ANK1: variants seen among roughly 807,000 people sequenced by gnomAD.
The protein encoded by ANK1 is ankyrin-1.
A neutral mutation model predicts 210.4 loss-of-function variants in ANK1; 51 were observed. The observed-to-expected ratio is 0.24, with a 90% CI of 0.19 to 0.31. ANK1 has a LOEUF of 0.31. Ranked by LOEUF, ANK1 falls within the 10% of genes least tolerant of loss-of-function variation. The pLI, the probability that ANK1 is intolerant of heterozygous loss-of-function variation, is 1.00. For missense variants in ANK1, 2,051 were observed against 2,504.4 expected (o/e 0.82, Z 3.86); for synonymous variants, 967 against 1,025.9 (o/e 0.94, Z 1.10).
intron 29 of ANK1, among the ~76,000 whole-genome samples, chr8:41,693,626 C>T (rs560778728): frequency 6.6e-6 from 1 of 151,908 alleles, no homozygotes; most frequent in African/African-American, 2.4e-5. Context: ...TTAGTAGAGA[C>T]GGGGTTTCTC....
intron 2 of ANK1, among the ~76,000 whole-genome samples, chr8:41,739,522 T>TC (rs1554587172): frequency 8.5e-5 from 3 of 35,434 alleles, no homozygotes; most frequent in African/African-American, 7.7e-4. Flanking sequence ...TTTTTCTTTC[T>TC]TTTTTTTTTT....
intron 1 of ANK1, among the ~76,000 whole-genome samples, chr8:41,885,991 G>A (rs1002401912): frequency 2.6e-5 from 4 of 152,126 alleles, no homozygotes; most frequent in South Asian, 4.1e-4. Context: ...TCTCCAGAAA[G>A]GCTAACACTG....
intron 1 of ANK1, among the ~76,000 whole-genome samples, chr8:41,858,467 C>A (rs1159415731): frequency 2.0e-5 from 3 of 152,204 alleles, no homozygotes; most frequent in East Asian, 3.9e-4. Context: ...TGGGGGAGGC[C>A]CTGTGGGCTG....
chr8:41,687,167 CAT>C (rs1476949154), intron 35 of ANK1, among the ~76,000 whole-genome samples: 2 of 152,150 alleles, frequency 1.3e-5, no homozygotes, highest in East Asian at 3.9e-4. Context: ...GGAGTCCACT[CAT>C]ATAAAAGCTA....
At chr8:41,814,405 G>A (rs1039324051) in intron 1 of ANK1, among the ~76,000 whole-genome samples, 3 of 150,910 alleles carry the variant, frequency 2.0e-5, no homozygotes, top group African/African-American at 7.3e-5. Context: ...TCATTTGCAT[G>A]TAATTAGTTC....
intron 1 of ANK1, among the ~76,000 whole-genome samples, chr8:41,777,084 T>G (rs1844223702): frequency 6.6e-6 from 1 of 152,232 alleles, no homozygotes; most frequent in South Asian, 2.1e-4. Flanking sequence ...TTGTAACTAT[T>G]TAAATTTAAA....
intron 42 of ANK1, among the ~76,000 whole-genome samples, chr8:41,658,628 C>T (rs1806603049): frequency 6.6e-6 from 1 of 152,214 alleles, no homozygotes; most frequent in South Asian, 2.1e-4. Flanking sequence ...CACAGTGGCT[C>T]ATGCCTGTAA....
chr8:41,769,169 A>C (rs73621184), intron 1 of ANK1, among the ~76,000 whole-genome samples: 4 of 152,092 alleles, frequency 2.6e-5, no homozygotes, highest in Admixed American at 2.0e-4. Flanking sequence ...GGGTTAAAAA[A>C]CTGGTATTTG....
At chr8:41,744,957 G>A (rs775541538) in intron 2 of ANK1, among the ~76,000 whole-genome samples, 32 of 152,330 alleles carry the variant, frequency 2.1e-4, no homozygotes, top group Middle Eastern at 3.4e-3. Context: ...AAATGGGCAC[G>A]CTGAGGGCCT....
At chr8:41,770,067 C>T (rs1490236921) in intron 1 of ANK1, among the ~76,000 whole-genome samples, 1 of 150,552 alleles carries the variant, frequency 6.6e-6, no homozygotes, top group Non-Finnish European at 1.5e-5. Context: ...CTGCAACCCC[C>T]GCCTCCCAGG....
intron 1 of ANK1, among the ~76,000 whole-genome samples, chr8:41,772,820 C>T (rs749871990): frequency 5.3e-5 from 8 of 152,214 alleles, no homozygotes; most frequent in South Asian, 4.2e-4. Context: ...CCCAAGGAGC[C>T]GCCCCTGCTC....
At chr8:41,667,900 A>G (rs561743492) in intron 39 of ANK1, among the ~76,000 whole-genome samples, 1 of 152,338 alleles carries the variant, frequency 6.6e-6, no homozygotes, top group East Asian at 1.9e-4. Flanking sequence ...GAGTAAGCCC[A>G]ACGCCCAGTG....
intron 1 of ANK1, among the ~76,000 whole-genome samples, chr8:41,766,592 T>A (rs887058284): frequency 1.1e-4 from 17 of 152,192 alleles, no homozygotes; most frequent in Admixed American, 1.1e-3. Flanking sequence ...GGGTTCCCTG[T>A]GCTGTCTGCA....
Position 41,708,801 on chromosome 8 carries a change from C to T in ANK1, c.1975G>A (p.Ala659Thr). 6.2e-7 allele frequency: 1 copy of T among 1,614,026 alleles called. No homozygotes were observed. The highest frequency in any genetic ancestry group is 8.5e-7 in the Non-Finnish European group (1 of 1,180,044). The change falls in exon 17 of 43, where the codon GCC becomes ACC. Residue 659 changes from alanine to threonine, a missense_variant. By Grantham distance (58) the Ala-to-Thr change is moderately conservative. Coordinates refer to ENST00000289734, the MANE Select transcript of ANK1 (RefSeq NM_000037.4). The stretch of plus-strand genomic sequence containing the variant: ...ACCTTGTTCCCCAGGTTGCCATTGG[C>T]TTGTTTCGAGAGCAGCAGAGCCACC... ...EMVALLLSKQANGNLGNKSGL... is the reference protein window; with the variant it reads ...EMVALLLSKQTNGNLGNKSGL...
At chr8:41,681,724 G>A (rs935326072) in intron 37 of ANK1, among the ~76,000 whole-genome samples, 1 of 152,116 alleles carries the variant, frequency 6.6e-6, no homozygotes, top group African/African-American at 2.4e-5. Flanking sequence ...AAGCTGCAGA[G>A]CCTGTAGTGC....
intron 1 of ANK1, among the ~76,000 whole-genome samples, chr8:41,826,810 T>G (rs1805467064): frequency 6.6e-6 from 1 of 152,188 alleles, no homozygotes; most frequent in Non-Finnish European, 1.5e-5. Flanking sequence ...TTTCTAGCCT[T>G]GTCGTAACAA....
Position 41,701,530 on chromosome 8 carries a change from G to C in ANK1, c.2461+20C>G. The C allele has an allele frequency of 6.2e-7, 1 of 1,613,480 alleles. No individual in the cohort carries two copies. The highest frequency in any genetic ancestry group is 8.5e-7 in the Non-Finnish European group (1 of 1,179,470). ...AGCCCCTCTGTCCCCACCAGCCTGA[G>C]CTCTTTACCCCAACGTTACCTTCAT... On this transcript the variant is annotated intron_variant, in intron 22 of 42. Coordinates refer to ENST00000289734, the MANE Select transcript of ANK1 (RefSeq NM_000037.4).
chr8:41,763,704 G>C (rs549169869), intron 1 of ANK1, among the ~76,000 whole-genome samples: 9 of 152,202 alleles, frequency 5.9e-5, no homozygotes, highest in Non-Finnish European at 1.3e-4. Context: ...CTGTCCCTGA[G>C]CACTCTATTC....
At chr8:41,879,695 G>A (rs960868593) in intron 1 of ANK1, among the ~76,000 whole-genome samples, 12 of 152,124 alleles carry the variant, frequency 7.9e-5, no homozygotes, top group African/African-American at 2.9e-4. Context: ...TTCCCCCGGC[G>A]AGTGAGAAGG....
Sources: allele counts gnomAD v4.1 joint callset (sites outside exome capture counted in the v4.1 genomes callset), GRCh38; gene constraint gnomAD v4.1.1; transcripts MANE v1.5; gene names NCBI Gene and HGNC (gene_info 2026-07-23, HGNC 2026-07-21).